The following DOCK2 variants were observed in gnomAD, a reference collection of about 807,000 sequenced individuals.
DOCK2 encodes the protein dedicator of cytokinesis 2.
DOCK2 carries 87 observed loss-of-function variants against 248.9 expected under a neutral mutation model. That is an observed-to-expected ratio of 0.35 (90% CI 0.29 to 0.42). DOCK2 has a LOEUF of 0.42. DOCK2 is among the 10% of genes least tolerant of loss of function. The pLI, the probability that DOCK2 is intolerant of heterozygous loss-of-function variation, is 1.00. For synonymous variants in DOCK2, 805 were observed against 821.6 expected (o/e 0.98, Z 0.35); for missense variants, 1,747 against 2,300.2 (o/e 0.76, Z 4.92).
At chr5:169,723,057 G>T (rs1185015663) in intron 22 of DOCK2, among the ~76,000 whole-genome samples, 2 of 152,148 alleles carry the variant, frequency 1.3e-5, no homozygotes, top group African/African-American at 2.4e-5. Flanking sequence ...AGCAGCTGTG[G>T]TGCCCGGGTC....
chr5:169,668,101 G>C (rs1331395115), intron 2 of DOCK2, among the ~76,000 whole-genome samples: 1 of 152,216 alleles, frequency 6.6e-6, no homozygotes, highest in Non-Finnish European at 1.5e-5. Flanking sequence ...TCCTTGGAAA[G>C]TCACTTAACT....
intron 33 of DOCK2, among the ~76,000 whole-genome samples, chr5:170,019,370 C>A (rs1340885012): frequency 6.6e-6 from 1 of 152,220 alleles, no homozygotes; most frequent in African/African-American, 2.4e-5. Context: ...AAGAACCCCA[C>A]ATCTCTACCT....
chr5:169,966,814 G>A (rs556062911), intron 27 of DOCK2, among the ~76,000 whole-genome samples: 1 of 152,294 alleles, frequency 6.6e-6, no homozygotes, highest in East Asian at 1.9e-4. Flanking sequence ...TCAGGCTCCA[G>A]CCATCATGCA....
intron 26 of DOCK2, among the ~76,000 whole-genome samples, chr5:169,835,496 C>T (rs1338338390): frequency 6.6e-6 from 1 of 152,100 alleles, no homozygotes; most frequent in Non-Finnish European, 1.5e-5. Flanking sequence ...CTCAGATGAT[C>T]TGCCCGCCTC....
At chr5:169,990,989 C>A (rs1228687110) in intron 29 of DOCK2, among the ~76,000 whole-genome samples, 1 of 152,248 alleles carries the variant, frequency 6.6e-6, no homozygotes, top group East Asian at 1.9e-4. Flanking sequence ...TCTGTGTGCC[C>A]AGGCACTGGG....
intron 25 of DOCK2, among the ~76,000 whole-genome samples, chr5:169,785,078 A>G (rs1346384104): frequency 6.6e-6 from 1 of 152,200 alleles, no homozygotes; most frequent in Non-Finnish European, 1.5e-5. Context: ...ATTAGATCTA[A>G]AAGAAGATCA....
In DOCK2 at chr5:169,792,654, G is replaced by A. The variant is rs142335502; in HGVS notation, c.2555-10404G>A. ...ACTGTCAAGATTATCCAGTACAGAGGCAGCTTCGTCAGCCAGAAGCTTTTT... is the reference window on the plus strand; with the variant it reads ...ACTGTCAAGATTATCCAGTACAGAGACAGCTTCGTCAGCCAGAAGCTTTTT... On this transcript the variant is annotated intron_variant, in intron 25 of 51. Transcript: ENST00000520908. Among the ~76,000 whole-genome samples the A allele has an allele frequency of 4.5e-3, 678 of 152,160 alleles. 11 individuals carry two copies. Among genetic ancestry groups the A allele is most frequent in the African/African-American group, 0.016 (660 of 41,486 alleles).
chr5:170,081,686 C>T (rs771100526), intron 50 of DOCK2, 156 bp from the exon 51 acceptor site: 252 of 815,138 alleles, frequency 3.1e-4, no homozygotes, highest in Non-Finnish European at 4.3e-4. Flanking sequence ...TCCCCTGGCA[C>T]GGCAGGAAAT....
chr5:169,664,948 C>T (rs10055541), intron 2 of DOCK2, among the ~76,000 whole-genome samples: 85,394 of 147,412 alleles, frequency 0.58, 24,913 homozygotes, highest in South Asian at 0.71. Context: ...ATCAGCATAT[C>T]TATATATGTT....
rs906467305 is a variant in DOCK2, at chr5:169,639,598, C to T, written c.43+2229C>T. 2.6e-5 allele frequency among the ~76,000 whole-genome samples: 4 copies of T among 152,308 alleles called. No individual in the cohort carries two copies. In the South Asian group the frequency reaches 8.3e-4, roughly 32 times the overall value. ...CTTAAGCTTCGGTGATCAGGTCCAC[C>T]TTCCAGCCAGCAAAAAGGATGCAGG... On this transcript the variant is annotated intron_variant, in intron 1 of 51. Coordinates refer to ENST00000520908, the MANE Select transcript of DOCK2 (RefSeq NM_004946.3).
intron 26 of DOCK2, among the ~76,000 whole-genome samples, chr5:169,840,167 G>T (rs1454346516): frequency 3.3e-5 from 5 of 152,136 alleles, no homozygotes; most frequent in African/African-American, 1.2e-4. Context: ...TTTTACTCAC[G>T]GTAGAAGGCA....
intron 2 of DOCK2, among the ~76,000 whole-genome samples, chr5:169,660,502 A>G (rs1347352802): frequency 1.3e-5 from 2 of 152,172 alleles, no homozygotes; most frequent in African/African-American, 4.8e-5. Context: ...CTCATTTGAA[A>G]ATATTGGAGT....
intron 29 of DOCK2, among the ~76,000 whole-genome samples, chr5:169,990,562 G>T (rs1778179291): frequency 2.0e-5 from 3 of 152,170 alleles, no homozygotes; most frequent in African/African-American, 7.2e-5. Context: ...TCACTGAGCT[G>T]GAATATGCTG....
At chr5:170,056,641 C>T (rs115664453) in intron 42 of DOCK2, 43 bp from the exon 43 acceptor site, 30,353 of 1,574,234 alleles carry the variant, frequency 0.019, 510 homozygotes, top group African/African-American at 0.079. Context: ...TGTCAGCAGC[C>T]GGGGATGGCT....
At chr5:169,743,238 C>T (rs1455060593) in intron 22 of DOCK2, among the ~76,000 whole-genome samples, 2 of 152,188 alleles carry the variant, frequency 1.3e-5, no homozygotes, top group African/African-American at 2.4e-5. Context: ...ATCTAAAACC[C>T]TTATGAATTT....
At chr5:169,678,593 C>G (rs1339529363) in intron 6 of DOCK2, among the ~76,000 whole-genome samples, 1 of 152,128 alleles carries the variant, frequency 6.6e-6, no homozygotes, top group East Asian at 1.9e-4. Context: ...CATTTTGAAG[C>G]TGAGATCCTC....
intron 14 of DOCK2, among the ~76,000 whole-genome samples, chr5:169,707,003 C>T (rs1761304481): frequency 6.6e-6 from 1 of 152,178 alleles, no homozygotes; most frequent in Admixed American, 6.5e-5. Context: ...ATGACTCGCT[C>T]ACCATCAACA....
chr5:169,823,672 T>G (rs1404555321), intron 26 of DOCK2, among the ~76,000 whole-genome samples: 1 of 152,192 alleles, frequency 6.6e-6, no homozygotes, highest in Non-Finnish European at 1.5e-5. Context: ...TCATACTGAA[T>G]GGACAAAAAC....
At chr5:169,777,648 T>C (rs1173649568) in intron 25 of DOCK2, among the ~76,000 whole-genome samples, 1 of 152,224 alleles carries the variant, frequency 6.6e-6, no homozygotes, top group African/African-American at 2.4e-5. Flanking sequence ...TTACCCGGGA[T>C]ACTTCACCTC....
Sources: gnomAD v4.1 joint callset for allele counts (sites outside exome capture counted in the v4.1 genomes callset) on GRCh38, gnomAD v4.1.1 for gene constraint, MANE v1.5 for transcripts, NCBI Gene and HGNC (gene_info 2026-07-23, HGNC 2026-07-21) for gene names.